GPATCH2: variants seen among roughly 807,000 people sequenced by gnomAD.
GPATCH2 encodes the protein G patch domain-containing protein 2.
A neutral mutation model predicts 58.0 loss-of-function variants in GPATCH2; 51 were observed. That is an observed-to-expected ratio of 0.88 (90% CI 0.70 to 1.11). The LOEUF (loss-of-function observed/expected upper bound fraction) is 1.11, where lower values mean the gene tolerates loss of function less well. Among genes scored for constraint, GPATCH2 ranks in the 50% most tolerant of loss-of-function variants. The pLI is 0.00. For missense variants in GPATCH2, 625 were observed against 652.2 expected (o/e 0.96, Z 0.45); for synonymous variants, 222 against 218.5 (o/e 1.02, Z -0.14).
At chr1:217,569,323 T>C (rs756969484) in intron 5 of GPATCH2, among the ~76,000 whole-genome samples, 5 of 151,956 alleles carry the variant, frequency 3.3e-5, no homozygotes, top group Non-Finnish European at 7.4e-5. Flanking sequence ...ACAATGAATG[T>C]TGTCATTAAG....
intron 6 of GPATCH2, among the ~76,000 whole-genome samples, chr1:217,506,006 A>G (rs901021539): frequency 6.6e-6 from 1 of 152,130 alleles, no homozygotes; most frequent in African/African-American, 2.4e-5. Context: ...ATTTTTGTAG[A>G]GACAAGGTTT....
chr1:217,444,318 C>G (rs922854660), intron 9 of GPATCH2, among the ~76,000 whole-genome samples: 20 of 152,246 alleles, frequency 1.3e-4, no homozygotes, highest in Non-Finnish European at 5.9e-5. Flanking sequence ...GGGGAACTAA[C>G]GAACATGCCT....
At chr1:217,597,344 TA>T (rs746764158) in intron 5 of GPATCH2, among the ~76,000 whole-genome samples, 269 of 134,096 alleles carry the variant, frequency 2.0e-3, no homozygotes, top group Middle Eastern at 3.6e-3. Flanking sequence ...TCTTGTCTCT[TA>T]AAAAAAAAAA....
intron 5 of GPATCH2, among the ~76,000 whole-genome samples, chr1:217,554,326 G>T (rs910278149): frequency 1.3e-5 from 2 of 152,130 alleles, no homozygotes; most frequent in African/African-American, 4.8e-5. Context: ...ACTAGCTAGG[G>T]CAACCTCATC....
At chr1:217,554,021 C>T (rs1306922938) in intron 5 of GPATCH2, among the ~76,000 whole-genome samples, 1 of 152,206 alleles carries the variant, frequency 6.6e-6, no homozygotes, top group Non-Finnish European at 1.5e-5. Flanking sequence ...ATGGGACCAA[C>T]TGGACGCTTC....
At chr1:217,434,200 T>C (rs190277138) in intron 9 of GPATCH2, among the ~76,000 whole-genome samples, 37 of 152,336 alleles carry the variant, frequency 2.4e-4, no homozygotes, top group African/African-American at 8.7e-4. Flanking sequence ...AGAAAAATTC[T>C]TGACTAAAAT....
intron 8 of GPATCH2, among the ~76,000 whole-genome samples, chr1:217,471,788 C>T (rs901351079): frequency 2.6e-5 from 4 of 152,040 alleles, no homozygotes; most frequent in Non-Finnish European, 4.4e-5. Flanking sequence ...TTTCTTCTCA[C>T]TATTAATAGA....
At chr1:217,618,630 A>C (rs1001128719) in intron 2 of GPATCH2, among the ~76,000 whole-genome samples, 5 of 152,256 alleles carry the variant, frequency 3.3e-5, no homozygotes, top group Admixed American at 2.0e-4. Context: ...AAGCAAAAAA[A>C]CCCCAAAAAA....
intron 5 of GPATCH2, among the ~76,000 whole-genome samples, chr1:217,598,734 G>C (rs1411549675): frequency 6.6e-6 from 1 of 152,036 alleles, no homozygotes; most frequent in African/African-American, 2.4e-5. Context: ...CAAAGTGCTG[G>C]GATTACAGGC....
intron 5 of GPATCH2, among the ~76,000 whole-genome samples, chr1:217,521,791 G>T (rs537065874): frequency 2.0e-5 from 3 of 152,020 alleles, no homozygotes; most frequent in African/African-American, 7.2e-5. Flanking sequence ...CAAAGGTTTT[G>T]TTTAAAAAAA....
At chr1:217,518,982 G>C (rs917360593) in intron 5 of GPATCH2, among the ~76,000 whole-genome samples, 6 of 152,180 alleles carry the variant, frequency 3.9e-5, no homozygotes, top group Non-Finnish European at 7.3e-5. Context: ...TCAAGACCCA[G>C]AGGTTTCTGG....
At chr1:217,478,445 T>C (rs1166825009) in intron 8 of GPATCH2, among the ~76,000 whole-genome samples, 1 of 152,058 alleles carries the variant, frequency 6.6e-6, no homozygotes, top group Middle Eastern at 3.2e-3. Context: ...ATTGAAATAA[T>C]GAAAAGGAAT....
intron 5 of GPATCH2, among the ~76,000 whole-genome samples, chr1:217,596,585 T>C (rs1252592772): frequency 6.6e-6 from 1 of 152,206 alleles, no homozygotes; most frequent in Non-Finnish European, 1.5e-5. Context: ...TTATAATGAA[T>C]AGTAATCAAA....
intron 5 of GPATCH2, among the ~76,000 whole-genome samples, chr1:217,595,919 C>T (rs989995315): frequency 2.0e-5 from 3 of 151,954 alleles, no homozygotes; most frequent in Admixed American, 2.0e-4. Context: ...TTGTCACTAA[C>T]CTTTAAAATA....
intron 5 of GPATCH2, among the ~76,000 whole-genome samples, chr1:217,539,157 T>A (rs1664611701): frequency 6.6e-6 from 1 of 151,910 alleles, no homozygotes; most frequent in Admixed American, 6.6e-5. Context: ...TACATCAGAT[T>A]AAAAAAATAA....
chr1:217,443,728 T>G (rs1177638227), intron 9 of GPATCH2, among the ~76,000 whole-genome samples: 4 of 152,166 alleles, frequency 2.6e-5, no homozygotes, highest in Admixed American at 2.6e-4. Context: ...GCTGCTTTTA[T>G]GTAGCATAGA....
At chr1:217,496,063 C>G (rs1661992134) in intron 7 of GPATCH2, among the ~76,000 whole-genome samples, 1 of 152,178 alleles carries the variant, frequency 6.6e-6, no homozygotes, top group Admixed American at 6.5e-5. Context: ...AGATTTTATA[C>G]TTCATGGTCT....
At position 217,559,872 on chromosome 1, in the gene GPATCH2, G is replaced by GA. The variant is rs1491513923; in HGVS notation, c.1099-44984_1099-44983insT. ...AGATCAAGAGACACAAAAATCCAGA[G>GA]GGAGAGAGAGAGAGAGAGAGAGAGA... is the stretch of plus-strand genomic sequence containing the variant. On this transcript the variant is annotated intron_variant, in intron 5 of 9. Coordinates refer to ENST00000366935, the MANE Select transcript of GPATCH2 (RefSeq NM_018040.5). Among the ~76,000 whole-genome samples, 43 of 149,572 alleles carry GA rather than the reference G, an allele frequency of 2.9e-4. No homozygotes were observed. In the East Asian group the frequency reaches 3.8e-3, roughly 13 times the overall value.
chr1:217,523,769 A>C, intron 5 of GPATCH2, among the ~76,000 whole-genome samples: 1 of 143,812 alleles, frequency 7.0e-6, no homozygotes, highest in South Asian at 2.3e-4. Flanking sequence ...GGCGCCCCTC[A>C]CCTCCCGGAC....
Sources: gnomAD v4.1 joint callset for allele counts (sites outside exome capture counted in the v4.1 genomes callset) on GRCh38, gnomAD v4.1.1 for gene constraint, MANE v1.5 for transcripts, NCBI Gene and HGNC (gene_info 2026-07-23, HGNC 2026-07-21) for gene names.